The following ZMAT4 variants were observed in gnomAD, a reference collection of about 807,000 sequenced individuals.
ZMAT4 encodes zinc finger matrin-type protein 4.
ZMAT4 carries 17 observed loss-of-function variants against 28.7 expected under a neutral mutation model. The observed-to-expected ratio is 0.59, with a 90% CI of 0.41 to 0.89. The LOEUF (loss-of-function observed/expected upper bound fraction) is 0.89. Among genes scored for constraint, ZMAT4 ranks in the 40% least tolerant of loss-of-function variants. ZMAT4 has a pLI of 0.00. For synonymous variants in ZMAT4, 117 were observed against 109.2 expected (o/e 1.07, Z -0.44); for missense variants, 240 against 283.8 (o/e 0.85, Z 1.11).
chr8:40,794,279 A>C (rs1170298425), intron 2 of ZMAT4, among the ~76,000 whole-genome samples: 2 of 152,162 alleles, frequency 1.3e-5, no homozygotes, highest in Non-Finnish European at 2.9e-5. Context: ...TGGCACCATA[A>C]GCTACAGAGA....
chr8:40,594,560 A>G (rs1479338357), intron 5 of ZMAT4, among the ~76,000 whole-genome samples: 1 of 152,188 alleles, frequency 6.6e-6, no homozygotes, highest in Non-Finnish European at 1.5e-5. Context: ...ACCTACTCAA[A>G]GAGTTAATAT....
intron 3 of ZMAT4, among the ~76,000 whole-genome samples, chr8:40,726,352 A>G (rs935666047): frequency 3.9e-5 from 6 of 152,224 alleles, no homozygotes; most frequent in Non-Finnish European, 5.9e-5. Flanking sequence ...ATAGTTTCAG[A>G]GGAGTGTAGC....
chr8:40,711,300 G>GA (rs543685462), intron 3 of ZMAT4, among the ~76,000 whole-genome samples: 3 of 151,990 alleles, frequency 2.0e-5, no homozygotes, highest in Non-Finnish European at 2.9e-5. Context: ...ATTAATCAAT[G>GA]AAAAAAATAG....
At chr8:40,735,445 G>A (rs148603208) in intron 3 of ZMAT4, among the ~76,000 whole-genome samples, 28 of 152,258 alleles carry the variant, frequency 1.8e-4, no homozygotes, top group Admixed American at 1.8e-3. Flanking sequence ...TGTGCTCATA[G>A]AGTCATAGTC....
chr8:40,535,600 C>A (rs1486706469), intron 6 of ZMAT4, among the ~76,000 whole-genome samples: 1 of 150,848 alleles, frequency 6.6e-6, no homozygotes, highest in African/African-American at 2.4e-5. Context: ...ACCCAGGAGG[C>A]AGAAGTTGCA....
chr8:40,757,225 CTT>C (rs1812735700), intron 3 of ZMAT4, among the ~76,000 whole-genome samples: 1 of 152,146 alleles, frequency 6.6e-6, no homozygotes, highest in Non-Finnish European at 1.5e-5. Context: ...GTGACTCAAA[CTT>C]TTCACTACCC....
chr8:40,588,431 A>G (rs1468503922), intron 5 of ZMAT4, among the ~76,000 whole-genome samples: 2 of 152,128 alleles, frequency 1.3e-5, no homozygotes, highest in Non-Finnish European at 2.9e-5. Flanking sequence ...CTCAATAATA[A>G]AAATACAATC....
chr8:40,538,189 T>C (rs1563331023), intron 6 of ZMAT4, among the ~76,000 whole-genome samples: 1 of 152,210 alleles, frequency 6.6e-6, no homozygotes. Flanking sequence ...GCCTACTATC[T>C]GAAGGCTTCC....
chr8:40,581,266 G>T lies in ZMAT4; in HGVS notation c.578-5C>A. ...ATCTGTAATTGCGCCTCAGACCTGT[G>T]GACAACAGACAGACCTGGTTAGCTG... On this transcript the variant is annotated splice_region_variant and splice_polypyrimidine_tract_variant and intron_variant, in intron 5 of 6. Coordinates refer to ENST00000297737, the MANE Select transcript of ZMAT4 (RefSeq NM_024645.3). The T allele has an allele frequency of 6.2e-7, 1 of 1,612,000 alleles. No individual in the cohort carries two copies. Among genetic ancestry groups the T allele is most frequent in the South Asian group, 1.1e-5 (1 of 91,020 alleles).
At chr8:40,870,540 T>C (rs1335811387) in intron 1 of ZMAT4, among the ~76,000 whole-genome samples, 1 of 152,240 alleles carries the variant, frequency 6.6e-6, no homozygotes, top group Non-Finnish European at 1.5e-5. Context: ...GAGAAGATTA[T>C]CCTTCCCTAG....
intron 2 of ZMAT4, among the ~76,000 whole-genome samples, chr8:40,771,120 G>T (rs1397297802): frequency 1.3e-5 from 2 of 151,986 alleles, no homozygotes; most frequent in African/African-American, 4.8e-5. Flanking sequence ...GGCATGCCCT[G>T]TGTTAAAGGG....
chr8:40,595,841 T>G (rs565169999), intron 5 of ZMAT4, among the ~76,000 whole-genome samples: 1 of 152,164 alleles, frequency 6.6e-6, no homozygotes, highest in Admixed American at 6.5e-5. Flanking sequence ...CCCAGCACTT[T>G]GGGAGGCCGA....
chr8:40,583,992 C>T (rs934455784), intron 5 of ZMAT4, among the ~76,000 whole-genome samples: 3 of 152,078 alleles, frequency 2.0e-5, no homozygotes, highest in East Asian at 3.9e-4. Flanking sequence ...CCTTTGTCCA[C>T]GAGGAATTTC....
intron 2 of ZMAT4, among the ~76,000 whole-genome samples, chr8:40,792,989 G>A (rs1012617792): frequency 1.3e-5 from 2 of 151,862 alleles, no homozygotes; most frequent in Non-Finnish European, 2.9e-5. Flanking sequence ...TTTTCAGCTG[G>A]GGAAACTGCT....
intron 2 of ZMAT4, among the ~76,000 whole-genome samples, chr8:40,770,474 G>C (rs1351753147): frequency 7.3e-5 from 11 of 151,492 alleles, no homozygotes; most frequent in Admixed American, 7.2e-4. Flanking sequence ...CTGCCAGGGA[G>C]CCCCCTCCTT....
At chr8:40,830,025 T>G (rs532947125) in intron 1 of ZMAT4, among the ~76,000 whole-genome samples, 1 of 152,036 alleles carries the variant, frequency 6.6e-6, no homozygotes, top group Non-Finnish European at 1.5e-5. Flanking sequence ...GGTCCCGAAA[T>G]GTTTCTTAAG....
chr8:40,542,066 G>A (rs889268077), intron 6 of ZMAT4, among the ~76,000 whole-genome samples: 1 of 152,166 alleles, frequency 6.6e-6, no homozygotes, highest in African/African-American at 2.4e-5. Flanking sequence ...GTTGGGGGGA[G>A]GAATGTGTGG....
intron 1 of ZMAT4, among the ~76,000 whole-genome samples, chr8:40,873,997 A>G (rs1817951117): frequency 6.6e-6 from 1 of 152,196 alleles, no homozygotes; most frequent in Non-Finnish European, 1.5e-5. Flanking sequence ...AAAAGGGAAG[A>G]TGATGAGTGA....
In ZMAT4 at chr8:40,601,407, AG is replaced by A. The variant is rs1195222219; in HGVS notation, c.578-20147del. ...AAGGAAGGAAGGAAGGAGGAAAGAA[AG>A]GAAGGAAGGAAGGAAGGAAGGAAGG... is the stretch of plus-strand genomic sequence containing the variant. On this transcript the variant is annotated intron_variant, in intron 5 of 6. Coordinates refer to ENST00000297737, the MANE Select transcript of ZMAT4 (RefSeq NM_024645.3). Among the ~76,000 whole-genome samples, 10 of 60,326 alleles carry A rather than the reference AG, an allele frequency of 1.7e-4. No individual in the cohort carries two copies. In the South Asian group the frequency reaches 3.3e-3, roughly 20 times the overall value. The allele number at this position is 60,326 out of a possible 152,430, so 39.6% of individuals were successfully genotyped here.
Sources: gnomAD v4.1 joint callset for allele counts (sites outside exome capture counted in the v4.1 genomes callset) on GRCh38, gnomAD v4.1.1 for gene constraint, MANE v1.5 for transcripts, NCBI Gene and HGNC (gene_info 2026-07-23, HGNC 2026-07-21) for gene names.